FRYL: variants seen among roughly 807,000 people sequenced by gnomAD.
FRYL encodes the protein protein furry homolog-like.
Under a neutral mutation model 351.2 loss-of-function variants are expected in FRYL, and 150 were observed. The observed-to-expected ratio is 0.43, with a 90% CI of 0.37 to 0.49. The LOEUF (loss-of-function observed/expected upper bound fraction) is 0.49. Among genes scored for constraint, FRYL ranks in the 20% least tolerant of loss-of-function variants. The pLI, the probability that FRYL is intolerant of heterozygous loss-of-function variation, is 0.00. For synonymous variants in FRYL, 1,153 were observed against 1,257.1 expected (o/e 0.92, Z 1.75); for missense variants, 3,036 against 3,619.3 (o/e 0.84, Z 4.13).
At chr4:48,627,917 C>T (rs1752156429) in intron 4 of FRYL, among the ~76,000 whole-genome samples, 1 of 152,042 alleles carries the variant, frequency 6.6e-6, no homozygotes, top group Non-Finnish European at 1.5e-5. Flanking sequence ...ATTACAGGCG[C>T]CTACTACCAC....
chr4:48,540,648 C>T lies in FRYL; in HGVS notation c.6000G>A (p.Met2000Ile). The change falls in exon 46 of 64, where the codon ATG (methionine) becomes ATA (isoleucine). Residue 2000 changes from methionine (M) to isoleucine (I), a missense_variant. Transcript: ENST00000358350. ...ATGCTGCTATCCAAAAAATGGTGGCCATCAAGTTGGTAGGCTCAGTAGTGG... is the reference window on the plus strand; with the variant it reads ...ATGCTGCTATCCAAAAAATGGTGGCTATCAAGTTGGTAGGCTCAGTAGTGG... ...VQSTTEPTNL[M>I]ATIFWIAASL... The T allele has an allele frequency of 6.2e-7, 1 of 1,613,910 alleles. No individual in the cohort carries two copies. Among genetic ancestry groups the T allele is most frequent in the Non-Finnish European group, 8.5e-7 (1 of 1,179,916 alleles).
chr4:48,710,062 C>CA (rs910473198), intron 2 of FRYL, among the ~76,000 whole-genome samples: 14 of 151,574 alleles, frequency 9.2e-5, no homozygotes, highest in African/African-American at 3.1e-4. Context: ...TCTATGCTTC[C>CA]AAAAAAAAGT....
At chr4:48,725,982 GA>G (rs971564158) in intron 1 of FRYL, among the ~76,000 whole-genome samples, 3 of 151,820 alleles carry the variant, frequency 2.0e-5, no homozygotes, top group African/African-American at 4.8e-5. Context: ...TACTATATAG[GA>G]AAAAAAATCA....
At chr4:48,607,444 A>G (rs909272717) in intron 9 of FRYL, among the ~76,000 whole-genome samples, 1 of 152,166 alleles carries the variant, frequency 6.6e-6, no homozygotes, top group Non-Finnish European at 1.5e-5. Context: ...TCATGACTAT[A>G]TTCTTTAGCA....
Position 48,653,761 on chromosome 4 carries a change from A to C in FRYL, c.-80-19271T>G, listed in dbSNP as rs1560793276. 6 of 1,291,140 alleles carry C rather than the reference A, an allele frequency of 4.6e-6. No individual in the cohort carries two copies. In the Admixed American group the frequency reaches 9.2e-5, roughly 20 times the overall value. The allele number at this position is 1,291,140 out of a possible 1,614,324, so 80.0% of individuals were successfully genotyped here. A position where few individuals can be genotyped will look rare whatever the true frequency, so the allele number is the denominator to read the frequency against. On this transcript the variant is annotated intron_variant, in intron 3 of 63. Transcript: ENST00000358350. The stretch of plus-strand genomic sequence containing the variant: ...CAAGGACTTTATGCTAATTTCAAAA[A>C]ACACAGAATCCTGTAGACTCAACAT...
intron 3 of FRYL, among the ~76,000 whole-genome samples, chr4:48,671,955 T>C (rs1578657085): frequency 1.4e-5 from 2 of 145,112 alleles, no homozygotes; most frequent in East Asian, 4.3e-4. Flanking sequence ...AGTCAAGTGC[T>C]AAAATTTTCA....
rs181803739 is a variant in FRYL at position 48,567,297 on chromosome 4, T to C, written c.3120A>G (p.Ile1040Met). Residue 1040 changes from isoleucine to methionine, a missense_variant, in exon 28 of 64, where the codon ATA becomes ATG. Coordinates refer to ENST00000358350, the MANE Select transcript of FRYL (RefSeq NM_015030.2). The surrounding 1 kb of genome is among the most constrained non-coding windows in gnomAD (Gnocchi z 4.2). ...CCACTAAGGCACTAAAATGGCATCG[T>C]ATATCCTTCAGTGTGTCAGAGTCTT... ...NEKDSDTLKD[I>M]RCHFSALVAN... 2.5e-5 allele frequency: 40 copies of C among 1,612,754 alleles called. No individual in the cohort carries two copies. In the African/African-American group the frequency reaches 3.7e-4, roughly 15 times the overall value.
rs1284984590 is a variant in FRYL, at chr4:48,693,261, A to G, written c.-203-8466T>C. Among the ~76,000 whole-genome samples the G allele has an allele frequency of 2.0e-5, 3 of 152,184 alleles. No individual in the cohort carries two copies. The East Asian group carries it at 5.8e-4, about 29-fold the overall frequency. On this transcript the variant is annotated intron_variant, in intron 2 of 63. Transcript: ENST00000358350. The stretch of plus-strand genomic sequence containing the variant: ...CCCATACACAAATTTAATTATCATA[A>G]TTCAGTATATTCTTCAAAAAGGTTT...
At chr4:48,510,276 AACTCT>A (rs1722197613) in intron 58 of FRYL, 119 bp from the exon 59 acceptor site, 2 of 723,364 alleles carry the variant, frequency 2.8e-6, no homozygotes, top group South Asian at 1.6e-5. Flanking sequence ...ATATTCTCTT[AACTCT>A]ACTCTGTCCC....
In FRYL at chr4:48,582,636, G is replaced by A. The variant is rs1741183658; in HGVS notation, c.1847C>T (p.Ser616Leu). The A allele has an allele frequency of 6.2e-7, 1 of 1,614,024 alleles. No individual in the cohort carries two copies. Among genetic ancestry groups the A allele is most frequent in the Non-Finnish European group, 8.5e-7 (1 of 1,179,940 alleles). ...ACGAACAATAAAATAAACAAATCCT[G>A]AAAGAACATCCTCCCGCCAATCTGG... ...DFPDWREDVL[S>L]GFVYFIVREV... is the part of the protein sequence containing the mutation. Residue 616 changes from serine (S) to leucine (L), a missense_variant, in exon 20 of 64, where the codon TCA becomes TTA. Ser to Leu is a moderately radical substitution (Grantham distance 145, BLOSUM62 -2). Around this residue, in one of 7 missense-constraint regions of FRYL, gnomAD observed 492 missense variants for 551.5 expected, o/e 0.89. Transcript: ENST00000358350.
intron 3 of FRYL, among the ~76,000 whole-genome samples, chr4:48,641,863 CA>C (rs1466907728): frequency 6.6e-6 from 1 of 152,010 alleles, no homozygotes; most frequent in Non-Finnish European, 1.5e-5. Flanking sequence ...ATAAAAAGAG[CA>C]AAAAAGTTTC....
intron 54 of FRYL, among the ~76,000 whole-genome samples, chr4:48,522,068 A>G (rs28581223): frequency 0.056 from 8,460 of 152,202 alleles, 356 homozygotes; most frequent in African/African-American, 0.12. Context: ...ACTTGAGGCC[A>G]GGAGTTCAAG....
chr4:48,507,535 C>T (rs866720376), intron 59 of FRYL, among the ~76,000 whole-genome samples: 6 of 151,672 alleles, frequency 4.0e-5, no homozygotes, highest in East Asian at 1.9e-4. Context: ...CTCAAACAAA[C>T]AGTTAGTTAG....
rs563770407 is a variant in FRYL, at chr4:48,662,591, T to A, written c.-81+22082A>T. ...AGAAAAAGCATGCTAAGGTGCACCA[T>A]AATCAAACTGCTGAAAACCAGTGAT... is the stretch of plus-strand genomic sequence containing the variant. On this transcript the variant is annotated intron_variant, in intron 3 of 63. Coordinates refer to ENST00000358350, the MANE Select transcript of FRYL (RefSeq NM_015030.2). 5.3e-5 allele frequency among the ~76,000 whole-genome samples: 8 copies of A among 151,680 alleles called. No individual in the cohort carries two copies. In the East Asian group the frequency reaches 1.5e-3, roughly 29 times the overall value.
chr4:48,599,105 T>C (rs761091033), intron 13 of FRYL, among the ~76,000 whole-genome samples: 37 of 152,312 alleles, frequency 2.4e-4, no homozygotes, highest in South Asian at 8.3e-4. Flanking sequence ...AAGTTTTAAC[T>C]ACCTAATTTT....
At chr4:48,699,022 C>T (rs1389881368) in intron 2 of FRYL, among the ~76,000 whole-genome samples, 1 of 152,112 alleles carries the variant, frequency 6.6e-6, no homozygotes, top group African/African-American at 2.4e-5. Context: ...ACATATGTTA[C>T]TTCATTTTAA....
At chr4:48,674,923 C>G (rs1289965980) in intron 3 of FRYL, among the ~76,000 whole-genome samples, 1 of 152,078 alleles carries the variant, frequency 6.6e-6, no homozygotes. Context: ...CATGTTTATT[C>G]CCCAGCCTTT....
chr4:48,581,132 G>A (rs918970630), intron 21 of FRYL, among the ~76,000 whole-genome samples, 181 bp from the exon 22 acceptor site: 6 of 147,632 alleles, frequency 4.1e-5, no homozygotes, highest in Admixed American at 1.4e-4. Context: ...TGCAAACTCC[G>A]CCTCCTGGGT....
chr4:48,742,864 T>C (rs1772253268), intron 1 of FRYL, among the ~76,000 whole-genome samples: 2 of 151,926 alleles, frequency 1.3e-5, no homozygotes, highest in Admixed American at 1.3e-4. Context: ...TGGAGTGCAA[T>C]GGTACAATCT....
Sources: allele counts gnomAD v4.1 joint callset (sites outside exome capture counted in the v4.1 genomes callset), GRCh38; gene constraint gnomAD v4.1.1; regional missense constraint gnomAD v4.1.1; non-coding constraint Gnocchi (gnomAD v3.1); transcripts MANE v1.5; gene names NCBI Gene and HGNC (gene_info 2026-07-23, HGNC 2026-07-21).